Variants in TMEM243 observed in about 807,000 individuals in gnomAD.
TMEM243 encodes the protein transmembrane protein 243.
Under a neutral mutation model 15.0 loss-of-function variants are expected in TMEM243, and 20 were observed. The ratio of observed to expected loss-of-function variants is 1.33; its 90% CI spans 0.94 to 1.93. TMEM243 has a LOEUF of 1.93. Ranked by LOEUF, TMEM243 falls within the 30% of genes most tolerant of loss-of-function variation. The pLI is 0.00. For synonymous variants in TMEM243, 72 were observed against 52.7 expected, an observed-to-expected ratio of 1.37 and a Z score of -1.59; for missense variants, 156 against 142.1, an observed-to-expected ratio of 1.10 and a Z score of -0.50.
rs11374498 is a variant in TMEM243 at position 87,213,781 on chromosome 7, C to CTT, written c.78+5643_78+5644dup. On this transcript the variant is annotated intron_variant, in intron 1 of 3. Coordinates refer to ENST00000257637, the MANE Select transcript of TMEM243 (RefSeq NM_024315.4). ...TGCTTTTCACCGTCTTTGTTTTCTT[C>CTT]TTTTTTTTTTTATTGGGGGGATGGG... Among the ~76,000 whole-genome samples the CTT allele has an allele frequency of 6.0e-3, 881 of 146,916 alleles. 6 individuals carry two copies. The highest frequency in any genetic ancestry group is 0.019 in the East Asian group (97 of 5,044).
rs367685559 is a variant in TMEM243 at position 87,209,910 on chromosome 7, C to CAG, written c.78+9514_78+9515dup. Reference sequence around the variant, plus strand: ...TGAGAGACAGTGAGAGAGTGAGAGACAGAGAGAGAGGACAGTGAGAGAGAA... The same window carrying CAG: ...TGAGAGACAGTGAGAGAGTGAGAGACAGAGAGAGAGAGGACAGTGAGAGAGAA... On this transcript the variant is annotated intron_variant, in intron 1 of 3. Transcript: ENST00000257637. 5.1e-3 allele frequency among the ~76,000 whole-genome samples: 638 copies of CAG among 126,238 alleles called. 7 individuals are homozygous for CAG. Among genetic ancestry groups the CAG allele is most frequent in the African/African-American group, 0.019 (597 of 31,534 alleles). 82.8% of individuals were successfully genotyped at this position (126,238 alleles called of 152,430 possible).
intron 1 of TMEM243, among the ~76,000 whole-genome samples, chr7:87,206,075 C>T (rs1802198492): frequency 6.6e-6 from 1 of 152,116 alleles, no homozygotes; most frequent in South Asian, 2.1e-4. Flanking sequence ...AAAATGAGAG[C>T]CAAGCAAAAG....
At chr7:87,209,690 GAGAGCGAGAC>G (rs1562885119) in intron 1 of TMEM243, among the ~76,000 whole-genome samples, 1 of 145,318 alleles carries the variant, frequency 6.9e-6, no homozygotes, top group African/African-American at 2.6e-5. Context: ...GACACAGCGA[GAGAGCGAGAC>G]ACAGTGAGAG....
rs117333549 is a variant in TMEM243, at chr7:87,196,477, T to C, written c.*159A>G. On this transcript the variant is annotated 3_prime_UTR_variant, in exon 4 of 4. Coordinates refer to ENST00000257637, the MANE Select transcript of TMEM243 (RefSeq NM_024315.4). ...AAAGAAAAAGCAAAGTGATCTAGGA[T>C]ATGTCTCCCTTGCAAGAGGGAATTA... 18,403 of 690,634 alleles carry C rather than the reference T, an allele frequency of 0.027. 309 individuals carry two copies. Among genetic ancestry groups the C allele is most frequent in the Non-Finnish European group, 0.034 (14,690 of 429,212 alleles). The allele number at this position is 690,634 out of a possible 1,614,324, so 42.8% of individuals were successfully genotyped here. A position where few individuals can be genotyped will look rare whatever the true frequency, so the allele number is the denominator to read the frequency against.
At chr7:87,209,416 G>T (rs554661685) in intron 1 of TMEM243, among the ~76,000 whole-genome samples, 1 of 151,880 alleles carries the variant, frequency 6.6e-6, no homozygotes, top group African/African-American at 2.4e-5. Context: ...ATGAGAGAGC[G>T]AGAGTGAAAG....
At position 87,197,862 on chromosome 7, in the gene TMEM243, C is replaced by T. The variant is rs375910303; in HGVS notation, c.234+79G>A. On this transcript the variant is annotated intron_variant, in intron 3 of 3. Coordinates refer to ENST00000257637, the MANE Select transcript of TMEM243 (RefSeq NM_024315.4). ...ATTAAGAGATACCCTTTTGTATAGA[C>T]CCAAGGCTGAAAATTTTTGTCCTGT... 4.4e-6 allele frequency: 7 copies of T among 1,603,668 alleles called. No homozygotes were observed. In the East Asian group the frequency reaches 9.1e-5, roughly 21 times the overall value.
intron 1 of TMEM243, among the ~76,000 whole-genome samples, chr7:87,206,424 G>A (rs1478152554): frequency 6.6e-6 from 1 of 152,210 alleles, no homozygotes; most frequent in Admixed American, 6.5e-5. Context: ...ATTTAATGAT[G>A]GGAAAGACAG....
At chr7:87,199,185 T>C (rs1801605216) in intron 1 of TMEM243, 128 bp from the exon 2 acceptor site, 2 of 686,840 alleles carry the variant, frequency 2.9e-6, no homozygotes, top group Non-Finnish European at 4.7e-6. Context: ...GCTTTACACA[T>C]AAAACTACCA....
In TMEM243 at chr7:87,207,456, C is replaced by T. The variant is rs1413616723; in HGVS notation, c.79-8399G>A. Among the ~76,000 whole-genome samples the T allele has an allele frequency of 7.4e-5, 3 of 40,438 alleles. 1 individual carries two copies. Among genetic ancestry groups the T allele is most frequent in the Admixed American group, 4.0e-4 (2 of 5,058 alleles). 26.5% of individuals were successfully genotyped at this position (40,438 alleles called of 152,430 possible). A position where few individuals can be genotyped will look rare whatever the true frequency, so the allele number is the denominator to read the frequency against. On this transcript the variant is annotated intron_variant, in intron 1 of 3. Coordinates refer to ENST00000257637, the MANE Select transcript of TMEM243 (RefSeq NM_024315.4). ...TAAAAATACAAAAAAATTAGCCGGG[C>T]GTGGTGGCGGGCGCCTGTAGTCCCA...
At chr7:87,198,335 G>T in intron 2 of TMEM243, 1 of 308,412 alleles carries the variant, frequency 3.2e-6, no homozygotes, top group Non-Finnish European at 5.9e-6. Flanking sequence ...TAATGATTCT[G>T]CTGGTAAAAG....
At chr7:87,205,660 C>T (rs915067380) in intron 1 of TMEM243, among the ~76,000 whole-genome samples, 2 of 152,186 alleles carry the variant, frequency 1.3e-5, no homozygotes, top group Non-Finnish European at 2.9e-5. Flanking sequence ...AGTTCTTCAT[C>T]TCCATCTGAG....
intron 1 of TMEM243, among the ~76,000 whole-genome samples, chr7:87,217,123 G>A (rs1245139768): frequency 1.3e-5 from 2 of 152,170 alleles, no homozygotes; most frequent in Admixed American, 1.3e-4. Context: ...AAGTTGAGAG[G>A]CTATATGTGT....
At chr7:87,198,898 A>G (rs1801578074) in intron 2 of TMEM243, 109 bp downstream of exon 2, 3 of 967,656 alleles carry the variant, frequency 3.1e-6, no homozygotes, top group Admixed American at 5.5e-5. Flanking sequence ...ATTTTGTGGT[A>G]ATAAAATTAA....
Position 87,213,437 on chromosome 7 carries a change from T to C in TMEM243, c.78+5989A>G, listed in dbSNP as rs755857933. 2.6e-5 allele frequency among the ~76,000 whole-genome samples: 4 copies of C among 152,326 alleles called. No homozygotes were observed. In the East Asian group the frequency reaches 5.8e-4, roughly 22 times the overall value. ...GTGACTAACCCTCCTTTGAGAGAAA[T>C]AGCTGTGCTTGATCACCTAGAAGCT... On this transcript the variant is annotated intron_variant, in intron 1 of 3. Coordinates refer to ENST00000257637, the MANE Select transcript of TMEM243 (RefSeq NM_024315.4).
intron 1 of TMEM243, among the ~76,000 whole-genome samples, chr7:87,209,689 A>AGAGAGAGACACAGT (rs1802536579): frequency 1.6e-5 from 1 of 61,392 alleles, no homozygotes; most frequent in Non-Finnish European, 3.5e-5. Context: ...AGACACAGCG[A>AGAGAGAGACACAGT]GAGAGCGAGA....
rs1460027806 is a variant in TMEM243 at position 87,197,110 on chromosome 7, T to TA, written c.235-353dup. Among the ~76,000 whole-genome samples the TA allele has an allele frequency of 3.9e-5, 6 of 152,222 alleles. 1 individual carries two copies. The Middle Eastern group carries it at 0.01, about 259-fold the overall frequency. ...TGATTCATACAGTTGGTTCAGACCG[T>TA]AAAATAGGGCTTCCATAATATATTT... On this transcript the variant is annotated intron_variant, in intron 3 of 3. Transcript: ENST00000257637.
At position 87,196,339 on chromosome 7, in the gene TMEM243, T is replaced by G. The variant is rs562978067; in HGVS notation, c.*297A>C. 1.7e-5 allele frequency: 4 copies of G among 238,342 alleles called. No individual in the cohort carries two copies. The highest frequency in any genetic ancestry group is 2.4e-5 in the Non-Finnish European group (3 of 124,794). 14.8% of individuals were successfully genotyped at this position (238,342 alleles called of 1,614,324 possible). On this transcript the variant is annotated 3_prime_UTR_variant, in exon 4 of 4. Transcript: ENST00000257637. ...TATTTGTCTTAAGATGCAAGATTTG[T>G]TTTTACATAGCCTTTTGCCATACAA...
At chr7:87,205,547 T>C (rs1802153478) in intron 1 of TMEM243, among the ~76,000 whole-genome samples, 1 of 152,246 alleles carries the variant, frequency 6.6e-6, no homozygotes, top group South Asian at 2.1e-4. Context: ...CTAACTCATC[T>C]CCCTCAAGTT....
At chr7:87,208,230 C>G (rs1802366405) in intron 1 of TMEM243, among the ~76,000 whole-genome samples, 2 of 152,214 alleles carry the variant, frequency 1.3e-5, no homozygotes. Context: ...TCATCTGAGA[C>G]AAGTCCACCT....
Sources: allele counts gnomAD v4.1 joint callset (sites outside exome capture counted in the v4.1 genomes callset), GRCh38; gene constraint gnomAD v4.1.1; transcripts MANE v1.5; gene names NCBI Gene and HGNC (gene_info 2026-07-23, HGNC 2026-07-21).